Variants in GPC4 observed in about 807,000 individuals in gnomAD.
The protein encoded by GPC4 is glypican 4, also known as glypican-4.
Under a neutral mutation model 35.0 loss-of-function variants are expected in GPC4, and 10 were observed. That is an observed-to-expected ratio of 0.29 (90% confidence interval 0.18 to 0.48). The LOEUF (loss-of-function observed/expected upper bound fraction) is 0.48. GPC4 is among the 20% of genes least tolerant of loss of function. The pLI is 0.99. For synonymous variants in GPC4, 167 were observed against 170.2 expected (o/e 0.98, Z 0.15); for missense variants, 322 against 451.3 (o/e 0.71, Z 2.60).
intron 1 of GPC4, among the ~76,000 whole-genome samples, chrX:133,400,911 G>C (rs959604942): frequency 2.0e-5 from 2 of 101,563 alleles, no homozygotes; most frequent in Non-Finnish European, 4.0e-5. Flanking sequence ...GTGTCTGCAG[G>C]GGGTGGGGGG....
At chrX:133,341,633 C>T (rs1238894035) in intron 1 of GPC4, among the ~76,000 whole-genome samples, 1 of 110,888 alleles carries the variant, frequency 9.0e-6, no homozygotes, top group African/African-American at 3.3e-5. Context: ...TTTCTAAGTT[C>T]ACAGAAAAGT....
At chrX:133,382,199 C>A (rs1265040974) in intron 1 of GPC4, among the ~76,000 whole-genome samples, 3 of 111,296 alleles carry the variant, frequency 2.7e-5, no homozygotes, top group Non-Finnish European at 5.6e-5. Context: ...GAGGCCAAGG[C>A]AGGTGGATCA....
At chrX:133,379,258 C>T (rs1180004642) in intron 1 of GPC4, among the ~76,000 whole-genome samples, 1 of 112,157 alleles carries the variant, frequency 8.9e-6, no homozygotes, top group Non-Finnish European at 1.9e-5. Context: ...TATTCTTCAG[C>T]CACCATGAAG....
At chrX:133,362,545 C>A (rs1192667025) in intron 1 of GPC4, among the ~76,000 whole-genome samples, 1 of 111,654 alleles carries the variant, frequency 9.0e-6, no homozygotes, top group Non-Finnish European at 1.9e-5. Context: ...TGGCACTTAG[C>A]ACTGATATTT....
intron 1 of GPC4, among the ~76,000 whole-genome samples, chrX:133,401,349 C>A (rs931324651): frequency 4.5e-5 from 5 of 111,367 alleles, no homozygotes; most frequent in African/African-American, 1.3e-4. Flanking sequence ...AGCCAGAGAG[C>A]TAGAGCAGGG....
intron 1 of GPC4, among the ~76,000 whole-genome samples, chrX:133,357,402 T>G (rs1312157993): frequency 2.8e-5 from 3 of 106,445 alleles, no homozygotes; most frequent in Non-Finnish European, 1.9e-5. Flanking sequence ...AAAAAATTTT[T>G]TTTTTTAGAG....
At chrX:133,359,904 T>C (rs757532033) in intron 1 of GPC4, among the ~76,000 whole-genome samples, 2 of 110,911 alleles carry the variant, frequency 1.8e-5, no homozygotes, top group South Asian at 3.9e-4. Flanking sequence ...GTAATTCCTA[T>C]TCATAAGCGG....
At chrX:133,340,226 C>T (rs1200485760) in intron 1 of GPC4, among the ~76,000 whole-genome samples, 1 of 110,182 alleles carries the variant, frequency 9.1e-6, no homozygotes, top group Non-Finnish European at 1.9e-5. Context: ...CCAGAGTTCC[C>T]CCCCTTGTTC....
In GPC4 at chrX:133,382,743, A is replaced by G. The variant is rs145584335; in HGVS notation, c.160+32063T>C. ...GCGAGACTCCGTCTCAAAAACAAAC[A>G]AACAAACAAACAAACAAAAAAACAG... On this transcript the variant is annotated intron_variant, in intron 1 of 8. Coordinates refer to ENST00000370828, the MANE Select transcript of GPC4 (RefSeq NM_001448.3). Among the ~76,000 whole-genome samples the G allele has an allele frequency of 4.7e-4, 53 of 112,800 alleles. 2 individuals are homozygous for G. In the East Asian group the frequency reaches 0.014, roughly 30 times the overall value.
In GPC4 at chrX:133,392,666, CAAAAA is replaced by C. The variant is rs141927848; in HGVS notation, c.160+22135_160+22139del. The stretch of plus-strand genomic sequence containing the variant: ...GGCAAACTCCTTTTCAAAAACAAAA[CAAAAA>C]AAAAAAAAAAAGGAGAGCATAATAA... On this transcript the variant is annotated intron_variant, in intron 1 of 8. Transcript: ENST00000370828. Among the ~76,000 whole-genome samples the C allele has an allele frequency of 1.2e-4, 9 of 72,409 alleles. No individual in the cohort carries two copies. The East Asian group carries it at 3.8e-3, about 31-fold the overall frequency. 62.9% of individuals were successfully genotyped at this position (72,409 alleles called of 115,157 possible).
At chrX:133,309,301 T>C (rs1008750077) in intron 4 of GPC4, among the ~76,000 whole-genome samples, 2 of 112,166 alleles carry the variant, frequency 1.8e-5, no homozygotes, top group Non-Finnish European at 3.8e-5. Context: ...TTGGGTTTGT[T>C]TCTTCAAAGA....
At chrX:133,372,219 G>A (rs949919991) in intron 1 of GPC4, among the ~76,000 whole-genome samples, 2 of 65,977 alleles carry the variant, frequency 3.0e-5, no homozygotes, top group African/African-American at 9.1e-5. Context: ...CAGCGACTCC[G>A]TCTTTAAAAA....
intron 2 of GPC4, among the ~76,000 whole-genome samples, chrX:133,335,980 A>G (rs1194202295): frequency 6.3e-5 from 7 of 111,018 alleles, no homozygotes; most frequent in Non-Finnish European, 1.3e-4. Flanking sequence ...TCCTTACTAT[A>G]TGTCCCCAGC....
At position 133,328,425 on chromosome X, in the gene GPC4, C is replaced by G. The variant is rs758480136; in HGVS notation, c.320-3889G>C. 1.6e-4 allele frequency among the ~76,000 whole-genome samples: 18 copies of G among 111,433 alleles called. No homozygotes were observed. In the East Asian group the frequency reaches 4.8e-3, roughly 30 times the overall value. On this transcript the variant is annotated intron_variant, in intron 2 of 8. Transcript: ENST00000370828. ...GCTATTAGAAAGAAGGAGAAAAAATCCTTTTGCATCTGTTCCTCCTATTAA... is the reference window on the plus strand; with the variant it reads ...GCTATTAGAAAGAAGGAGAAAAAATGCTTTTGCATCTGTTCCTCCTATTAA...
At position 133,339,327 on chromosome X, in the gene GPC4, T is replaced by C. The variant is rs758661073; in HGVS notation, c.175A>G (p.Ile59Val). 14 of 1,209,138 alleles carry C rather than the reference T, an allele frequency of 1.2e-5. No homozygotes were observed. The South Asian group carries it at 2.5e-4, about 21-fold the overall frequency. ...CAGCAGGTAGAACCCTGGGGACAGA[T>C]CTTCAAATGATCACCTGCAAGATAA... ...LHEINGDHLK[I>V]CPQGSTCCSQ... Residue 59 changes from isoleucine (I) to valine (V), a missense_variant, in exon 2 of 9, where the codon ATC becomes GTC. Physicochemically the swap from Ile to Val is conservative, Grantham distance 29. Coordinates refer to ENST00000370828, the MANE Select transcript of GPC4 (RefSeq NM_001448.3).
intron 2 of GPC4, among the ~76,000 whole-genome samples, chrX:133,330,805 T>C (rs1371460986): frequency 9.0e-6 from 1 of 110,617 alleles, no homozygotes; most frequent in Non-Finnish European, 1.9e-5. Flanking sequence ...TAGCCAGGCA[T>C]GGTGCTGCAT....
chrX:133,315,285 T>C (rs750061696), intron 3 of GPC4, among the ~76,000 whole-genome samples: 1 of 110,541 alleles, frequency 9.0e-6, no homozygotes, highest in Non-Finnish European at 1.9e-5. Context: ...ATTTGGCATG[T>C]TCAATCTGCA....
intron 1 of GPC4, among the ~76,000 whole-genome samples, chrX:133,356,363 G>A: frequency 9.0e-6 from 1 of 111,243 alleles, no homozygotes; most frequent in Non-Finnish European, 1.9e-5. Flanking sequence ...TCCTGCCCCA[G>A]CCTCCCAAGT....
intron 4 of GPC4, 96 bp downstream of exon 4, chrX:133,311,162 T>G: frequency 4.3e-6 from 4 of 934,413 alleles, no homozygotes; most frequent in Non-Finnish European, 6.0e-6. Context: ...AGCAAACACT[T>G]AAACAAACAA....
Sources: gnomAD v4.1 joint callset for allele counts (sites outside exome capture counted in the v4.1 genomes callset) on GRCh38, gnomAD v4.1.1 for gene constraint, MANE v1.5 for transcripts, NCBI Gene and HGNC (gene_info 2026-07-23, HGNC 2026-07-21) for gene names.